MIGA1: variants seen among roughly 807,000 people sequenced by gnomAD.
The protein encoded by MIGA1 is family with sequence similarity 73, member A.
MIGA1 carries 58 observed loss-of-function variants against 82.0 expected under a neutral mutation model. The observed-to-expected ratio is 0.71, with a 90% CI of 0.57 to 0.88. MIGA1 has a LOEUF of 0.88. Ranked by LOEUF, MIGA1 falls within the 40% of genes least tolerant of loss-of-function variation. The pLI is 0.00. For synonymous variants in MIGA1, 249 were observed against 253.6 expected (o/e 0.98, Z 0.17); for missense variants, 751 against 749.1 (o/e 1.00, Z -0.03).
At position 77,877,451 on chromosome 1, in the gene MIGA1, T is replaced by A. The variant is rs972603574; in HGVS notation, c.*2387T>A. 1.3e-5 allele frequency: 2 copies of A among 152,226 alleles called. No homozygotes were observed. The highest frequency in any genetic ancestry group is 4.8e-5 in the African/African-American group (2 of 41,474). The allele number at this position is 152,226 out of a possible 1,614,324, so 9.4% of individuals were successfully genotyped here. A position where few individuals can be genotyped will look rare whatever the true frequency, so the allele number is the denominator to read the frequency against. Reference sequence around the variant, plus strand: ...ATAGTTCTTATTATTGACGGGAATATGATTAGAAGTACCAAAACTAAAAAT... The same window carrying A: ...ATAGTTCTTATTATTGACGGGAATAAGATTAGAAGTACCAAAACTAAAAAT... On this transcript the variant is annotated 3_prime_UTR_variant, in exon 16 of 16. Transcript: ENST00000370791.
chr1:77,863,246 C>T (rs182149664), intron 12 of MIGA1, among the ~76,000 whole-genome samples: 70 of 152,264 alleles, frequency 4.6e-4, no homozygotes, highest in Admixed American at 2.2e-3. Flanking sequence ...GGCCTAAGTG[C>T]CTGTTGTCTT....
intron 8 of MIGA1, chr1:77,847,286 T>G (rs1684879346): frequency 8.4e-6 from 8 of 949,494 alleles, no homozygotes; most frequent in South Asian, 6.4e-5. Context: ...CAGACCAAAC[T>G]GGAATCCAGA....
chr1:77,847,083 C>T, intron 8 of MIGA1: 2 of 786,494 alleles, frequency 2.5e-6, no homozygotes, highest in Non-Finnish European at 2.3e-6. Flanking sequence ...ACAGTAGGGC[C>T]ACGTTCAGTA....
intron 7 of MIGA1, among the ~76,000 whole-genome samples, chr1:77,823,612 T>C (rs979927109): frequency 5.3e-5 from 8 of 152,262 alleles, no homozygotes; most frequent in Non-Finnish European, 1.2e-4. Context: ...TCTCCTAGGC[T>C]TCAATGCATT....
chr1:77,807,317 A>C (rs535174709), intron 5 of MIGA1, among the ~76,000 whole-genome samples: 2 of 152,028 alleles, frequency 1.3e-5, no homozygotes, highest in African/African-American at 4.8e-5. Flanking sequence ...GCATACCACC[A>C]TGCCCAGCTA....
At chr1:77,854,175 T>A (rs1467907217) in intron 8 of MIGA1, among the ~76,000 whole-genome samples, 2 of 152,242 alleles carry the variant, frequency 1.3e-5, no homozygotes, top group African/African-American at 4.8e-5. Context: ...TCACTTAGAA[T>A]AATAGTCTCC....
At chr1:77,798,977 T>C (rs1682770134) in intron 2 of MIGA1, among the ~76,000 whole-genome samples, 1 of 152,250 alleles carries the variant, frequency 6.6e-6, no homozygotes, top group Non-Finnish European at 1.5e-5. Context: ...GATAATATTA[T>C]GGCTTTCTTT....
At chr1:77,834,916 C>T (rs947460551) in intron 7 of MIGA1, among the ~76,000 whole-genome samples, 3 of 152,152 alleles carry the variant, frequency 2.0e-5, no homozygotes, top group Non-Finnish European at 2.9e-5. Flanking sequence ...AGTCAGATGA[C>T]GTTGAGACAA....
intron 2 of MIGA1, among the ~76,000 whole-genome samples, chr1:77,798,712 A>G (rs1049431488): frequency 6.6e-6 from 1 of 152,176 alleles, no homozygotes; most frequent in Non-Finnish European, 1.5e-5. Context: ...TTGTGTATTT[A>G]TGGCTTACAA....
chr1:77,858,681 C>A (rs999779792), intron 8 of MIGA1, among the ~76,000 whole-genome samples: 1 of 152,104 alleles, frequency 6.6e-6, no homozygotes, highest in African/African-American at 2.4e-5. Flanking sequence ...TGCAGTGATA[C>A]AATCACAGCT....
chr1:77,816,699 GA>G (rs139378335), intron 7 of MIGA1, among the ~76,000 whole-genome samples: 3 of 152,000 alleles, frequency 2.0e-5, no homozygotes, highest in Non-Finnish European at 4.4e-5. Context: ...TTACAGTCTA[GA>G]AAAAAAGTAG....
At chr1:77,873,288 A>T (rs1646863236) in intron 15 of MIGA1, among the ~76,000 whole-genome samples, 168 bp downstream of exon 15, 1 of 152,340 alleles carries the variant, frequency 6.6e-6, no homozygotes, top group South Asian at 2.1e-4. Flanking sequence ...TATTTTTGGC[A>T]TTTTATAATA....
chr1:77,839,474 G>A (rs754016379), intron 7 of MIGA1, among the ~76,000 whole-genome samples: 9 of 151,802 alleles, frequency 5.9e-5, no homozygotes, highest in Non-Finnish European at 7.4e-5. Context: ...GGGCTCAAGC[G>A]ATTCTCCCGC....
chr1:77,853,456 C>G (rs937232300), intron 8 of MIGA1: 2 of 163,552 alleles, frequency 1.2e-5, no homozygotes, highest in African/African-American at 4.8e-5. Context: ...CGGCTGGGCA[C>G]TGTGGCTCAT....
Position 77,786,937 on chromosome 1 carries a change from T to A in MIGA1, c.195+3586T>A, listed in dbSNP as rs558290885. Among the ~76,000 whole-genome samples, 3 of 152,348 alleles carry A rather than the reference T, an allele frequency of 2.0e-5. No individual in the cohort carries two copies. In the South Asian group the frequency reaches 6.2e-4, roughly 32 times the overall value. ...ACCAATTTACTGTATTAGTCCATTT[T>A]CATGCTGCTGATAAAGACATACCTG... On this transcript the variant is annotated intron_variant, in intron 2 of 15. Coordinates refer to ENST00000370791, the MANE Select transcript of MIGA1 (RefSeq NM_198549.4).
At chr1:77,867,443 C>T (rs1279922930) in intron 14 of MIGA1, among the ~76,000 whole-genome samples, 1 of 152,196 alleles carries the variant, frequency 6.6e-6, no homozygotes, top group East Asian at 1.9e-4. Context: ...CTTTCTGCCT[C>T]ATCCTCCCTG....
At chr1:77,819,248 A>T (rs1683706737) in intron 7 of MIGA1, among the ~76,000 whole-genome samples, 1 of 151,954 alleles carries the variant, frequency 6.6e-6, no homozygotes, top group African/African-American at 2.4e-5. Context: ...CCGGGTTTGG[A>T]CCCAGTCAAG....
intron 7 of MIGA1, among the ~76,000 whole-genome samples, chr1:77,836,500 GAAAC>G (rs1218519211): frequency 6.6e-6 from 1 of 152,178 alleles, no homozygotes; most frequent in East Asian, 1.9e-4. Context: ...ATGTAGAGTA[GAAAC>G]AGGAGGAACC....
intron 7 of MIGA1, among the ~76,000 whole-genome samples, chr1:77,816,293 G>T (rs1012830698): frequency 6.6e-6 from 1 of 152,134 alleles, no homozygotes; most frequent in African/African-American, 2.4e-5. Context: ...GATTAAAGTT[G>T]CTTCTTCAAC....
Sources: gnomAD v4.1 joint callset for allele counts (sites outside exome capture counted in the v4.1 genomes callset) on GRCh38, gnomAD v4.1.1 for gene constraint, MANE v1.5 for transcripts, NCBI Gene and HGNC (gene_info 2026-07-23, HGNC 2026-07-21) for gene names.